Variants in PTPRR observed in about 807,000 individuals in gnomAD.
The protein encoded by PTPRR is receptor-type tyrosine-protein phosphatase R.
Under a neutral mutation model 77.2 loss-of-function variants are expected in PTPRR, and 38 were observed. The ratio of observed to expected loss-of-function variants is 0.49; its 90% CI spans 0.38 to 0.65. PTPRR has a LOEUF of 0.65. Among genes scored for constraint, PTPRR ranks in the 30% least tolerant of loss-of-function variants. The pLI, the probability that PTPRR is intolerant of heterozygous loss-of-function variation, is 0.00. For synonymous variants in PTPRR, 299 were observed against 283.1 expected, an observed-to-expected ratio of 1.06 and a Z score of -0.57; for missense variants, 744 against 799.2, an observed-to-expected ratio of 0.93 and a Z score of 0.83.
At chr12:70,824,223 G>GA (rs1237629245) in intron 2 of PTPRR, among the ~76,000 whole-genome samples, 3 of 152,150 alleles carry the variant, frequency 2.0e-5, no homozygotes, top group African/African-American at 7.2e-5. Flanking sequence ...CCTTTTAATA[G>GA]AGGGGCTGTA....
At chr12:70,796,001 G>C (rs1232218908) in intron 2 of PTPRR, among the ~76,000 whole-genome samples, 1 of 126,032 alleles carries the variant, frequency 7.9e-6, no homozygotes, top group Non-Finnish European at 1.6e-5. Flanking sequence ...TCGGTTCACT[G>C]CAACTTCTGC....
At chr12:70,790,689 T>C (rs758035809) in intron 2 of PTPRR, among the ~76,000 whole-genome samples, 15 of 152,186 alleles carry the variant, frequency 9.9e-5, no homozygotes, top group Non-Finnish European at 1.0e-4. Flanking sequence ...CTACATCTGT[T>C]TCTCTGTCAA....
chr12:70,763,029 C>T (rs1168268582), intron 3 of PTPRR, among the ~76,000 whole-genome samples: 2 of 151,792 alleles, frequency 1.3e-5, no homozygotes, highest in African/African-American at 4.8e-5. Context: ...TATCATCTCT[C>T]TATATATCTT....
At chr12:70,799,770 C>T (rs1057167448) in intron 2 of PTPRR, among the ~76,000 whole-genome samples, 4 of 152,066 alleles carry the variant, frequency 2.6e-5, no homozygotes, top group African/African-American at 9.7e-5. Context: ...CCAGTCCAAG[C>T]CCCGTTTTTT....
At chr12:70,683,992 G>A (rs902635693) in intron 10 of PTPRR, 135 bp downstream of exon 10, 1 of 882,150 alleles carries the variant, frequency 1.1e-6, no homozygotes, top group Non-Finnish European at 1.7e-6. Context: ...TATTTGGGAT[G>A]TATTAAGTGA....
Position 70,793,141 on chromosome 12 carries a change from T to C in PTPRR, c.358-28363A>G, listed in dbSNP as rs532995416. Among the ~76,000 whole-genome samples the C allele has an allele frequency of 1.3e-4, 20 of 152,274 alleles. No individual in the cohort carries two copies. The South Asian group carries it at 4.1e-3, about 32-fold the overall frequency. On this transcript the variant is annotated intron_variant, in intron 2 of 13. Coordinates refer to ENST00000283228, the MANE Select transcript of PTPRR (RefSeq NM_002849.4). ...AATTTTTATCTTATTTGTGCCCTAA[T>C]TGAAGAGGGACAATGATTAACAGCA...
intron 4 of PTPRR, among the ~76,000 whole-genome samples, chr12:70,756,408 G>A (rs1022456987): frequency 4.6e-5 from 7 of 152,178 alleles, no homozygotes; most frequent in Non-Finnish European, 4.4e-5. Flanking sequence ...CTTGATAAGG[G>A]CAGGGTAATA....
chr12:70,747,441 A>G (rs1455939402), intron 5 of PTPRR, among the ~76,000 whole-genome samples: 3 of 152,248 alleles, frequency 2.0e-5, no homozygotes, highest in African/African-American at 7.2e-5. Context: ...TCACATCTAA[A>G]TATAATATGC....
intron 2 of PTPRR, among the ~76,000 whole-genome samples, chr12:70,817,042 A>G (rs1308808293): frequency 1.3e-5 from 2 of 152,116 alleles, no homozygotes; most frequent in African/African-American, 2.4e-5. Flanking sequence ...TAGATCTCCA[A>G]CACTACTAGT....
At chr12:70,868,118 T>A (rs1230708735) in intron 2 of PTPRR, among the ~76,000 whole-genome samples, 2 of 152,026 alleles carry the variant, frequency 1.3e-5, no homozygotes, top group African/African-American at 4.8e-5. Context: ...ATTCACGACA[T>A]AGGCATGAGC....
chr12:70,756,995 T>A (rs1890579362), intron 4 of PTPRR, among the ~76,000 whole-genome samples: 1 of 152,180 alleles, frequency 6.6e-6, no homozygotes, highest in African/African-American at 2.4e-5. Flanking sequence ...TATGGCTTTG[T>A]TGGATAAATG....
intron 6 of PTPRR, among the ~76,000 whole-genome samples, chr12:70,736,570 C>T (rs984361464): frequency 2.6e-5 from 4 of 152,190 alleles, no homozygotes; most frequent in East Asian, 3.9e-4. Flanking sequence ...ATAACTTATA[C>T]TCTCTGAGCA....
intron 1 of PTPRR, among the ~76,000 whole-genome samples, chr12:70,907,620 A>C (rs1371246677): frequency 6.6e-6 from 1 of 152,246 alleles, no homozygotes; most frequent in Non-Finnish European, 1.5e-5. Context: ...TATCTATTAC[A>C]GAGTGGAACA....
At chr12:70,702,804 G>A (rs1888478575) in intron 6 of PTPRR, among the ~76,000 whole-genome samples, 1 of 152,028 alleles carries the variant, frequency 6.6e-6, no homozygotes. Context: ...AGTTATAGTT[G>A]TGGAAATTAG....
At chr12:70,795,036 T>C (rs1457180972) in intron 2 of PTPRR, among the ~76,000 whole-genome samples, 1 of 151,980 alleles carries the variant, frequency 6.6e-6, no homozygotes, top group African/African-American at 2.4e-5. Context: ...AGAGAGAGGG[T>C]AGGGAGATTA....
intron 1 of PTPRR, among the ~76,000 whole-genome samples, chr12:70,910,393 A>AAAACAT (rs1893683321): frequency 6.6e-6 from 1 of 152,186 alleles, no homozygotes; most frequent in African/African-American, 2.4e-5. Context: ...ATGCCATTTC[A>AAAACAT]AAACATTTTT....
intron 6 of PTPRR, among the ~76,000 whole-genome samples, chr12:70,727,471 T>A (rs978765374): frequency 3.9e-5 from 6 of 152,186 alleles, no homozygotes; most frequent in African/African-American, 7.2e-5. Flanking sequence ...ATGAGTTAAT[T>A]TGTTAAAAAA....
intron 10 of PTPRR, among the ~76,000 whole-genome samples, chr12:70,679,715 T>C (rs1415137876): frequency 2.0e-5 from 3 of 152,210 alleles, no homozygotes. Flanking sequence ...TCCTGGTCTC[T>C]TTTAGTTTCC....
rs1436544409 is a variant in PTPRR, at chr12:70,795,940, T to TTTTTG, written c.358-31163_358-31162insCAAAA. Among the ~76,000 whole-genome samples the TTTTTG allele has an allele frequency of 8.5e-3, 1,129 of 133,386 alleles. 71 individuals are homozygous for TTTTTG. Among genetic ancestry groups the TTTTTG allele is most frequent in the Non-Finnish European group, 0.012 (753 of 62,030 alleles). 87.5% of individuals were successfully genotyped at this position (133,386 alleles called of 152,430 possible). ...TTTTTTTTTTTTTTTTTTTTTTTTT[T>TTTTTG]TGACACAGAGTCTTGCCCTGTGACC... On this transcript the variant is annotated intron_variant, in intron 2 of 13. Coordinates refer to ENST00000283228, the MANE Select transcript of PTPRR (RefSeq NM_002849.4).
Sources: allele counts gnomAD v4.1 joint callset (sites outside exome capture counted in the v4.1 genomes callset), GRCh38; gene constraint gnomAD v4.1.1; transcripts MANE v1.5; gene names NCBI Gene and HGNC (gene_info 2026-07-23, HGNC 2026-07-21).